The following PC variants were observed in gnomAD, a reference collection of about 807,000 sequenced individuals.
PC encodes the protein pyruvate carboxylase.
In PC, 46 loss-of-function variants were observed where a neutral mutation model predicts 107.8. That is an observed-to-expected ratio of 0.43 (90% CI 0.34 to 0.55). The LOEUF (loss-of-function observed/expected upper bound fraction) is 0.55. Among genes scored for constraint, PC ranks in the 20% least tolerant of loss-of-function variants. The probability of loss-of-function intolerance (pLI) is 0.04; values close to 1 mark genes in which losing one functional copy is unlikely to be tolerated. For synonymous variants in PC, 662 were observed against 684.7 expected (o/e 0.97, Z 0.52); for missense variants, 1,241 against 1,643.1 (o/e 0.76, Z 4.23).
chr11:66,852,303 G>C lies in PC; in HGVS notation c.1825+136C>G, dbSNP rs920034596. 2 of 810,824 alleles carry C rather than the reference G, an allele frequency of 2.5e-6. No individual in the cohort carries two copies. Among genetic ancestry groups the C allele is most frequent in the African/African-American group, 3.4e-5 (2 of 59,264 alleles). 50.2% of individuals were successfully genotyped at this position (810,824 alleles called of 1,614,324 possible). On this transcript the variant is annotated intron_variant, in intron 15 of 22. Coordinates refer to ENST00000393960, the MANE Select transcript of PC (RefSeq NM_001040716.2). This position sits in a 1 kb window ranked among gnomAD's most constrained non-coding sequence, Gnocchi z 4.7. ...ACCAGGCCTGGCCGGAGAGGGCGCT[G>C]TGCCTTCTTCGGTCCTTCCTCTTTG... is the stretch of plus-strand genomic sequence containing the variant.
intron 3 of PC, among the ~76,000 whole-genome samples, chr11:66,907,265 C>A (rs1465279041): frequency 2.0e-5 from 3 of 152,218 alleles, no homozygotes; most frequent in East Asian, 3.8e-4. Flanking sequence ...CAGTGGTTCA[C>A]GCCTGTAATC....
At chr11:66,901,919 C>T (rs1031275766) in intron 3 of PC, among the ~76,000 whole-genome samples, 1 of 152,222 alleles carries the variant, frequency 6.6e-6, no homozygotes, top group African/African-American at 2.4e-5. Context: ...GTGCAACCCT[C>T]AACCATTCCT....
At chr11:66,890,268 G>A (rs1947519798) in intron 3 of PC, among the ~76,000 whole-genome samples, 1 of 152,208 alleles carries the variant, frequency 6.6e-6, no homozygotes, top group Non-Finnish European at 1.5e-5. Context: ...CGCTGAATCT[G>A]CTGACACTTG....
intron 3 of PC, among the ~76,000 whole-genome samples, chr11:66,909,467 G>C (rs2136067183): frequency 6.6e-6 from 1 of 152,346 alleles, no homozygotes; most frequent in East Asian, 1.9e-4. Context: ...GAAGCTGCCT[G>C]AGAGTGGGGT....
chr11:66,916,190 G>C (rs1473783748), intron 3 of PC, among the ~76,000 whole-genome samples: 1 of 152,208 alleles, frequency 6.6e-6, no homozygotes, highest in African/African-American at 2.4e-5. Context: ...CGTAGGTCAG[G>C]CCAGGCCCAC....
At chr11:66,862,073 G>C (rs2135893959) in intron 12 of PC, among the ~76,000 whole-genome samples, 1 of 152,274 alleles carries the variant, frequency 6.6e-6, no homozygotes, top group East Asian at 1.9e-4. Context: ...GGATGGCCTG[G>C]GTCACCCCTG....
intron 3 of PC, among the ~76,000 whole-genome samples, chr11:66,904,771 T>A (rs571387732): frequency 4.6e-5 from 7 of 152,372 alleles, no homozygotes; most frequent in Admixed American, 1.3e-4. Context: ...CACAGGCTGC[T>A]GTGATTCTGT....
chr11:66,897,465 G>A (rs1410117560), intron 3 of PC, among the ~76,000 whole-genome samples: 4 of 152,116 alleles, frequency 2.6e-5, no homozygotes, highest in Non-Finnish European at 4.4e-5. Flanking sequence ...CCAGTTACTC[G>A]GGAGGCTGAA....
chr11:66,863,999 G>T (rs201358739), intron 11 of PC, 43 bp from the exon 12 acceptor site: 23 of 1,603,460 alleles, frequency 1.4e-5, no homozygotes, highest in Non-Finnish European at 2.0e-5. Context: ...CAGAAACTGC[G>T]GTCAAAAGTG....
In PC at chr11:66,866,126, G is replaced by A; in HGVS notation, c.1185+61C>T. The A allele has an allele frequency of 1.3e-6, 2 of 1,561,658 alleles. No individual in the cohort carries two copies. The highest frequency in any genetic ancestry group is 8.7e-7 in the Non-Finnish European group (1 of 1,150,910). On this transcript the variant is annotated intron_variant, in intron 11 of 22. Coordinates refer to ENST00000393960, the MANE Select transcript of PC (RefSeq NM_001040716.2). This position sits in a 1 kb window ranked among gnomAD's most constrained non-coding sequence, Gnocchi z 5.4. ...TGGCAACTTGGCACTGCAGCCCCAG[G>A]CACCAGGCAGAACCTGTGCACAGGT...
intron 3 of PC, among the ~76,000 whole-genome samples, chr11:66,949,262 G>T (rs915487013): frequency 6.6e-5 from 10 of 151,680 alleles, no homozygotes; most frequent in Non-Finnish European, 1.5e-4. Context: ...AAAGTGCTAG[G>T]ATTACAGGCG....
In PC at chr11:66,852,980, C is replaced by T. The variant is rs979558250; in HGVS notation, c.1514-144G>A. ...AGCTGGCCCCTGTCCTCTCCAAAGC[C>T]AGGGCCTCCTGGGTACAGGCAGTGG... is the stretch of plus-strand genomic sequence containing the variant. On this transcript the variant is annotated intron_variant, in intron 13 of 22. Transcript: ENST00000393960. The surrounding 1 kb of genome is among the most constrained non-coding windows in gnomAD (Gnocchi z 4.7). 16 of 735,076 alleles carry T rather than the reference C, an allele frequency of 2.2e-5. No individual in the cohort carries two copies. The highest frequency in any genetic ancestry group is 2.8e-5 in the Non-Finnish European group (13 of 456,204). 45.5% of individuals were successfully genotyped at this position (735,076 alleles called of 1,614,324 possible).
At chr11:66,936,268 G>C (rs181884192) in intron 3 of PC, among the ~76,000 whole-genome samples, 2 of 144,192 alleles carry the variant, frequency 1.4e-5, no homozygotes, top group African/African-American at 5.7e-5. Flanking sequence ...AAAAAAAGGT[G>C]GGGGGGGAGA....
chr11:66,868,806 G>T, intron 10 of PC, 40 bp downstream of exon 10: 2 of 1,521,692 alleles, frequency 1.3e-6, no homozygotes, highest in Non-Finnish European at 9.1e-7. Flanking sequence ...GCAAATCCTA[G>T]AAGCCGCGCC....
At chr11:66,922,463 A>C (rs1259277539) in intron 3 of PC, among the ~76,000 whole-genome samples, 2 of 150,776 alleles carry the variant, frequency 1.3e-5, no homozygotes, top group Non-Finnish European at 2.9e-5. Context: ...AATCCCAGCT[A>C]CTTGGAAGGC....
chr11:66,914,505 C>A (rs1198129603), intron 3 of PC, among the ~76,000 whole-genome samples: 3 of 124,766 alleles, frequency 2.4e-5, no homozygotes, highest in Middle Eastern at 7.5e-3. Flanking sequence ...GGGTGAAACT[C>A]TGTCTCAAAA....
intron 3 of PC, among the ~76,000 whole-genome samples, chr11:66,879,724 C>T (rs1947117775): frequency 1.3e-5 from 2 of 152,310 alleles, no homozygotes; most frequent in Admixed American, 6.5e-5. Flanking sequence ...ATCCACAGCC[C>T]ACAGCCTGCT....
rs534275006 is a variant in PC, at chr11:66,850,081, G to A, written c.2754C>T (p.Ala918=). ...TCAATCCATTCTGCACCATAAACTGGGCCAGGTCCCCCACGATCTTGGAGG... is the reference window on the plus strand; with the variant it reads ...TCAATCCATTCTGCACCATAAACTGAGCCAGGTCCCCCACGATCTTGGAGG... ...TPSSKIVGDL[A]QFMVQNGLSR... is the part of the protein sequence containing the mutation. Residue 918 remains alanine (A), a synonymous_variant, in exon 20 of 23, where the codon GCC becomes GCT. Coordinates refer to ENST00000393960, the MANE Select transcript of PC (RefSeq NM_001040716.2). 3.2e-5 allele frequency: 51 copies of A among 1,613,694 alleles called. No homozygotes were observed. In the South Asian group the frequency reaches 4.8e-4, roughly 15 times the overall value.
At chr11:66,853,054 G>C in intron 13 of PC, 185 bp downstream of exon 13, 1 of 725,412 alleles carries the variant, frequency 1.4e-6, no homozygotes, top group Non-Finnish European at 2.3e-6. Context: ...TCTCAGATCA[G>C]AAGCAAGGAG....
Sources: allele counts gnomAD v4.1 joint callset (sites outside exome capture counted in the v4.1 genomes callset), GRCh38; gene constraint gnomAD v4.1.1; non-coding constraint Gnocchi (gnomAD v3.1); transcripts MANE v1.5; gene names NCBI Gene and HGNC (gene_info 2026-07-23, HGNC 2026-07-21).